The following AP3B1 variants were observed in gnomAD, a reference collection of about 807,000 sequenced individuals.
AP3B1 encodes AP-3 complex subunit beta-1.
Under a neutral mutation model 132.5 loss-of-function variants are expected in AP3B1, and 61 were observed. That is an observed-to-expected ratio of 0.46 (90% CI 0.37 to 0.57). AP3B1 has a LOEUF of 0.57. Among genes scored for constraint, AP3B1 ranks in the 20% least tolerant of loss-of-function variants. The probability of loss-of-function intolerance (pLI) is 0.00; values close to 1 mark genes in which losing one functional copy is unlikely to be tolerated. For synonymous variants in AP3B1, 388 were observed against 438.3 expected, an observed-to-expected ratio of 0.89 and a Z score of 1.43; for missense variants, 1,120 against 1,289.4, an observed-to-expected ratio of 0.87 and a Z score of 2.01.
chr5:78,163,223 A>C (rs1743461119), intron 12 of AP3B1, among the ~76,000 whole-genome samples: 1 of 152,166 alleles, frequency 6.6e-6, no homozygotes, highest in Non-Finnish European at 1.5e-5. Flanking sequence ...TAGTAGGAGC[A>C]GTCACCCAAA....
intron 22 of AP3B1, among the ~76,000 whole-genome samples, chr5:78,046,162 C>A (rs1748317512): frequency 6.6e-6 from 1 of 152,212 alleles, no homozygotes; most frequent in Non-Finnish European, 1.5e-5. Flanking sequence ...AGTCCCTGGG[C>A]TATGGACCTG....
intron 20 of AP3B1, among the ~76,000 whole-genome samples, chr5:78,104,178 A>C (rs1751240596): frequency 6.6e-6 from 1 of 152,206 alleles, no homozygotes; most frequent in East Asian, 1.9e-4. Flanking sequence ...ATTTTCAATT[A>C]GAATTATCAA....
At position 78,002,948 on chromosome 5, in the gene AP3B1, C is replaced by A. The variant is rs1487087562; in HGVS notation, c.3239G>T (p.Gly1080Val). The A allele has an allele frequency of 6.2e-7, 1 of 1,614,182 alleles. No individual in the cohort carries two copies. Reference sequence around the variant, plus strand: ...CTTCAGTTCCCGCAGCAGAACAGAGCCAATCACAGTTTTCTCAGTGTTTAT... The same window carrying A: ...CTTCAGTTCCCGCAGCAGAACAGAGACAATCACAGTTTTCTCAGTGTTTAT... Reference protein sequence around the residue: ...LIINTEKTVIGSVLLRELKPV... With the variant: ...LIINTEKTVIVSVLLRELKPV... The change falls in exon 27 of 27, where the codon GGC (glycine) becomes GTC (valine). Residue 1080 changes from glycine to valine, a missense_variant. By Grantham distance (109) the Gly-to-Val change is moderately radical. Around this residue, in one of 3 missense-constraint regions of AP3B1, gnomAD observed 906 missense variants for 997.1 expected, o/e 0.91. Transcript: ENST00000255194.
chr5:78,226,175 T>A (rs530460008), intron 5 of AP3B1, among the ~76,000 whole-genome samples: 203 of 152,194 alleles, frequency 1.3e-3, no homozygotes, highest in African/African-American at 4.6e-3. Context: ...GCATTGAGGC[T>A]GGAATATACT....
At chr5:78,118,441 A>G (rs907228579) in intron 17 of AP3B1, among the ~76,000 whole-genome samples, 7 of 152,228 alleles carry the variant, frequency 4.6e-5, no homozygotes, top group African/African-American at 7.2e-5. Flanking sequence ...AAGGGGTGAC[A>G]GACGGCACCT....
intron 2 of AP3B1, among the ~76,000 whole-genome samples, chr5:78,266,276 C>T (rs1748318795): frequency 6.6e-6 from 1 of 152,136 alleles, no homozygotes; most frequent in South Asian, 2.1e-4. Flanking sequence ...AAAGCAAGAA[C>T]TGCCTGCCCA....
intron 14 of AP3B1, among the ~76,000 whole-genome samples, chr5:78,145,346 T>C (rs1753343894): frequency 1.3e-5 from 2 of 152,186 alleles, no homozygotes; most frequent in East Asian, 1.9e-4. Context: ...GCCAAAGCCC[T>C]ATGAAGTATG....
intron 22 of AP3B1, among the ~76,000 whole-genome samples, chr5:78,081,993 T>C (rs949927204): frequency 6.6e-6 from 1 of 152,130 alleles, no homozygotes; most frequent in African/African-American, 2.4e-5. Flanking sequence ...AGTACAAAAA[T>C]GGCCAACTTT....
intron 9 of AP3B1, among the ~76,000 whole-genome samples, chr5:78,176,767 T>C (rs1169880608): frequency 1.3e-5 from 2 of 152,204 alleles, no homozygotes; most frequent in Non-Finnish European, 2.9e-5. Flanking sequence ...GAAGGTGGCA[T>C]GCTCTTTCTG....
At chr5:78,015,374 C>A in intron 26 of AP3B1, 36 bp downstream of exon 26, 1 of 1,608,150 alleles carries the variant, frequency 6.2e-7, no homozygotes, top group South Asian at 1.1e-5. Context: ...ATATTCAAGT[C>A]ATCTTCACCT....
Position 78,113,855 on chromosome 5 carries a change from T to G in AP3B1, c.2146A>C (p.Ser716Arg), listed in dbSNP as rs1365271615. 1.2e-6 allele frequency: 2 copies of G among 1,614,236 alleles called. No individual in the cohort carries two copies. Among genetic ancestry groups the G allele is most frequent in the Non-Finnish European group, 1.7e-6 (2 of 1,180,026 alleles). The change falls in exon 19 of 27, where the codon AGC (serine) becomes CGC (arginine). Residue 716 changes from serine (S) to arginine (R), a missense_variant. Coordinates refer to ENST00000255194, the MANE Select transcript of AP3B1 (RefSeq NM_003664.5). Reference protein sequence around the residue: ...SGEEGDSNEDSSEDSSSEQDS... With the variant: ...SGEEGDSNEDRSEDSSSEQDS... ...TGCTCACTGGAGGAGTCCTCACTGC[T>G]GTCCTCATTGCTGTCTCCTTCCTCC... is the stretch of plus-strand genomic sequence containing the variant.
chr5:78,125,400 A>G (rs1752415063), intron 17 of AP3B1, among the ~76,000 whole-genome samples: 1 of 152,186 alleles, frequency 6.6e-6, no homozygotes, highest in South Asian at 2.1e-4. Flanking sequence ...GTTATATTTC[A>G]CAGTTACAGG....
intron 23 of AP3B1, among the ~76,000 whole-genome samples, chr5:78,038,161 C>G (rs954571560): frequency 1.3e-5 from 2 of 152,184 alleles, no homozygotes; most frequent in South Asian, 4.1e-4. Flanking sequence ...AGGGCCAGTA[C>G]TGCCATATTT....
intron 7 of AP3B1, among the ~76,000 whole-genome samples, chr5:78,197,050 T>G (rs1745102686): frequency 6.6e-6 from 1 of 152,154 alleles, no homozygotes; most frequent in Non-Finnish European, 1.5e-5. Flanking sequence ...TAATGTAAAT[T>G]CATTGATCGT....
Position 78,156,335 on chromosome 5 carries a change from T to A in AP3B1, c.1396A>T (p.Lys466Ter). 1 of 1,613,534 alleles carries A rather than the reference T, an allele frequency of 6.2e-7. No individual in the cohort carries two copies. Among genetic ancestry groups the A allele is most frequent in the Non-Finnish European group, 8.5e-7 (1 of 1,179,688 alleles). Residue 466 changes from lysine (K) to a stop codon, truncating the protein, a stop_gained, in exon 14 of 27, where the codon AAG (lysine) becomes TAG (stop). Transcript: ENST00000255194. LOFTEE classifies it high-confidence loss of function. ...GCAGGTTGCATTTGCAGTAATTTCT[T>A]TATAACAACCACACTTTCAGCAACA... Reference protein sequence around the residue: ...IVVAESVVVIKKLLQMQPAQH... With the variant: ...IVVAESVVVI
intron 7 of AP3B1, among the ~76,000 whole-genome samples, chr5:78,210,916 A>G (rs1053609357): frequency 1.3e-5 from 2 of 152,164 alleles, no homozygotes; most frequent in South Asian, 4.1e-4. Context: ...ATCTCCCATA[A>G]TAGGCTTGAA....
At chr5:78,018,671 AACACAC>A (rs3050070) in intron 25 of AP3B1, among the ~76,000 whole-genome samples, 19 of 146,630 alleles carry the variant, frequency 1.3e-4, no homozygotes, top group Middle Eastern at 3.5e-3. Context: ...AAGCTGGTGT[AACACAC>A]ACACACACAC....
rs1175130261 is a variant in AP3B1 at position 78,156,382 on chromosome 5, A to C, written c.1364-15T>G. 7.9e-6 allele frequency: 12 copies of C among 1,516,930 alleles called. No individual in the cohort carries two copies. Among genetic ancestry groups the C allele is most frequent in the Non-Finnish European group, 1.0e-5 (11 of 1,092,314 alleles). The allele number at this position is 1,516,930 out of a possible 1,614,324, so 94.0% of individuals were successfully genotyped here. A position where few individuals can be genotyped will look rare whatever the true frequency, so the allele number is the denominator to read the frequency against. On this transcript the variant is annotated splice_polypyrimidine_tract_variant and intron_variant, in intron 13 of 26. Transcript: ENST00000255194. Reference sequence around the variant, plus strand: ...AACAACTATTTCTGAAAAAGATAGAAATTATTCATACTAAATATGTATAAT... The same window carrying C: ...AACAACTATTTCTGAAAAAGATAGACATTATTCATACTAAATATGTATAAT...
At chr5:78,247,806 T>G (rs540237492) in intron 2 of AP3B1, among the ~76,000 whole-genome samples, 10 of 152,168 alleles carry the variant, frequency 6.6e-5, no homozygotes, top group African/African-American at 2.2e-4. Flanking sequence ...TTATTGGTAA[T>G]GTCAGACCAC....
Sources: allele counts gnomAD v4.1 joint callset (sites outside exome capture counted in the v4.1 genomes callset), GRCh38; gene constraint gnomAD v4.1.1; regional missense constraint gnomAD v4.1.1; transcripts MANE v1.5; gene names NCBI Gene and HGNC (gene_info 2026-07-23, HGNC 2026-07-21).